GALNT14: variants seen among roughly 807,000 people sequenced by gnomAD.
GALNT14 encodes the protein UDP-GalNAc:polypeptide N-acetylgalactosaminyltransferase 14.
In GALNT14, 60 loss-of-function variants were observed where a neutral mutation model predicts 77.5. The observed-to-expected ratio is 0.77, with a 90% CI of 0.63 to 0.96. GALNT14 has a LOEUF of 0.96. Ranked by LOEUF, GALNT14 falls within the 40% of genes least tolerant of loss-of-function variation. The probability of loss-of-function intolerance (pLI) is 0.00; values close to 1 mark genes in which losing one functional copy is unlikely to be tolerated. For missense variants in GALNT14, 710 were observed against 731.0 expected, an observed-to-expected ratio of 0.97 and a Z score of 0.33; for synonymous variants, 280 against 281.7, an observed-to-expected ratio of 0.99 and a Z score of 0.06.
intron 1 of GALNT14, among the ~76,000 whole-genome samples, chr2:31,116,921 C>T (rs1268677618): frequency 6.6e-6 from 1 of 152,046 alleles, no homozygotes; most frequent in Admixed American, 6.5e-5. Flanking sequence ...CCTGTAATCC[C>T]AGCTACCTGG....
intron 1 of GALNT14, among the ~76,000 whole-genome samples, chr2:31,012,500 C>T (rs934077571): frequency 3.3e-5 from 5 of 152,170 alleles, no homozygotes; most frequent in African/African-American, 1.2e-4. Flanking sequence ...CTCAGTGCAG[C>T]TCTCCCTTCC....
chr2:30,982,732 T>C (rs1178109624), intron 2 of GALNT14, among the ~76,000 whole-genome samples: 1 of 152,246 alleles, frequency 6.6e-6, no homozygotes, highest in Non-Finnish European at 1.5e-5. Flanking sequence ...TGCAGGAACA[T>C]AGGTGTGTTC....
At chr2:31,128,807 C>G (rs1175491280) in intron 1 of GALNT14, among the ~76,000 whole-genome samples, 1 of 152,188 alleles carries the variant, frequency 6.6e-6, no homozygotes. Flanking sequence ...AGCAGTGGTC[C>G]CGTGGACTGG....
the GALNT14 span, among the ~76,000 whole-genome samples, chr2:30,895,569 G>T: frequency 6.6e-6 from 1 of 152,134 alleles, no homozygotes; most frequent in Admixed American, 6.5e-5. Flanking sequence ...TTACAGTGAG[G>T]ATTAATCACG....
At chr2:31,079,293 C>G (rs1166549314) in intron 1 of GALNT14, among the ~76,000 whole-genome samples, 4 of 152,148 alleles carry the variant, frequency 2.6e-5, no homozygotes, top group Admixed American at 2.0e-4. Flanking sequence ...ATGCACCTGA[C>G]AGCGTCAGGA....
At chr2:31,029,032 G>T (rs1189142085) in intron 1 of GALNT14, among the ~76,000 whole-genome samples, 1 of 152,098 alleles carries the variant, frequency 6.6e-6, no homozygotes, top group Non-Finnish European at 1.5e-5. Flanking sequence ...TTCTCTGGGG[G>T]TTGCTCCCTG....
intron 1 of GALNT14, among the ~76,000 whole-genome samples, chr2:31,060,902 C>T (rs1387910329): frequency 6.6e-6 from 1 of 152,228 alleles, no homozygotes; most frequent in Non-Finnish European, 1.5e-5. Flanking sequence ...TCTATGGCCA[C>T]AGGACTGACG....
At chr2:30,942,094 G>A in intron 9 of GALNT14, 107 bp downstream of exon 9, 1 of 717,436 alleles carries the variant, frequency 1.4e-6, no homozygotes. Context: ...CAAAGCACGT[G>A]TCACTCTCTG....
chr2:31,035,569 ATGTG>A (rs1168590695), intron 1 of GALNT14, among the ~76,000 whole-genome samples: 6 of 128,250 alleles, frequency 4.7e-5, no homozygotes, highest in Admixed American at 1.5e-4. Flanking sequence ...GTGTGTGTGT[ATGTG>A]TGTGTGTGTG....
At chr2:30,997,844 CTG>C (rs1319715288) in intron 1 of GALNT14, among the ~76,000 whole-genome samples, 2 of 152,138 alleles carry the variant, frequency 1.3e-5, no homozygotes. Context: ...TTAAAAGTCT[CTG>C]TTCTGGCTAT....
At position 30,992,844 on chromosome 2, in the gene GALNT14, T is replaced by G; in HGVS notation, c.293A>C (p.His98Pro). 6.2e-7 allele frequency: 1 copy of G among 1,613,226 alleles called. No individual in the cohort carries two copies. Among genetic ancestry groups the G allele is most frequent in the Non-Finnish European group, 8.5e-7 (1 of 1,179,208 alleles). ...SSNRAIPDTR[H>P]LRCTLLVYCT... The stretch of plus-strand genomic sequence containing the variant: ...TGGGAGAAGGAGGAAGTACCTCAGA[T>G]GGCGAGTGTCCGGGATGGCCCGATT... The change falls in exon 2 of 15, where the codon CAT (histidine) becomes CCT (proline). Residue 98 changes from histidine (H) to proline (P), a missense_variant. Coordinates refer to ENST00000349752, the MANE Select transcript of GALNT14 (RefSeq NM_024572.4).
chr2:30,982,858 G>T lies in GALNT14; in HGVS notation c.299+9980C>A, dbSNP rs146130920. Among the ~76,000 whole-genome samples the T allele has an allele frequency of 2.1e-4, 32 of 152,156 alleles. No homozygotes were observed. In the East Asian group the frequency reaches 6.0e-3, roughly 28 times the overall value. ...AGATGAAGAGAGTTTCTGGTGTTGC[G>T]GCAGATTTTGGTTGTGCAAGAAGAT... On this transcript the variant is annotated intron_variant, in intron 2 of 14. Transcript: ENST00000349752.
chr2:31,038,393 A>G (rs1051142196), intron 1 of GALNT14, among the ~76,000 whole-genome samples: 2 of 151,858 alleles, frequency 1.3e-5, no homozygotes, highest in East Asian at 2.0e-4. Context: ...CGCACCCAGC[A>G]TTACCATTGA....
At chr2:30,939,291 C>T (rs1462575916) in intron 9 of GALNT14, among the ~76,000 whole-genome samples, 1 of 152,138 alleles carries the variant, frequency 6.6e-6, no homozygotes, top group African/African-American at 2.4e-5. Flanking sequence ...GCAGGGAAAG[C>T]TTTCTGGTTC....
intron 3 of GALNT14, among the ~76,000 whole-genome samples, chr2:30,965,429 G>A (rs1486768772): frequency 7.5e-6 from 1 of 133,044 alleles, no homozygotes; most frequent in Non-Finnish European, 1.6e-5. Flanking sequence ...GGGAGAAGAG[G>A]ACAGATGACT....
chr2:31,091,097 G>C (rs946096697), intron 1 of GALNT14, among the ~76,000 whole-genome samples: 1 of 152,134 alleles, frequency 6.6e-6, no homozygotes, highest in Non-Finnish European at 1.5e-5. Context: ...GCTTTGACTG[G>C]GGGAGGTAAT....
At chr2:31,041,840 C>G (rs986374692) in intron 1 of GALNT14, among the ~76,000 whole-genome samples, 5 of 151,962 alleles carry the variant, frequency 3.3e-5, no homozygotes, top group African/African-American at 1.2e-4. Context: ...GATCTCAGAG[C>G]GAATACTGGA....
intron 2 of GALNT14, among the ~76,000 whole-genome samples, chr2:30,981,063 A>T (rs778287243): frequency 6.6e-6 from 1 of 152,212 alleles, no homozygotes; most frequent in Non-Finnish European, 1.5e-5. Context: ...ACAAGGCATG[A>T]AGAGTCTTAC....
At chr2:30,965,967 C>G (rs1380687865) in intron 3 of GALNT14, among the ~76,000 whole-genome samples, 1 of 152,158 alleles carries the variant, frequency 6.6e-6, no homozygotes, top group Admixed American at 6.5e-5. Context: ...TTCTCTTTGA[C>G]CTTCTGCACG....
Sources: gnomAD v4.1 joint callset for allele counts (sites outside exome capture counted in the v4.1 genomes callset) on GRCh38, gnomAD v4.1.1 for gene constraint, MANE v1.5 for transcripts, NCBI Gene and HGNC (gene_info 2026-07-23, HGNC 2026-07-21) for gene names.